MAN1C1: variants seen among roughly 807,000 people sequenced by gnomAD.
The protein encoded by MAN1C1 is mannosidase alpha class 1C member 1.
Under a neutral mutation model 71.5 loss-of-function variants are expected in MAN1C1, and 49 were observed. That is an observed-to-expected ratio of 0.69 (90% CI 0.54 to 0.87). The LOEUF is 0.87. MAN1C1 is among the 40% of genes least tolerant of loss of function. MAN1C1 has a pLI of 0.00. For synonymous variants in MAN1C1, 352 were observed against 343.7 expected (o/e 1.02, Z -0.27); for missense variants, 743 against 835.0 (o/e 0.89, Z 1.36).
intron 5 of MAN1C1, among the ~76,000 whole-genome samples, chr1:25,757,337 C>T (rs1489936509): frequency 6.6e-6 from 1 of 152,224 alleles, no homozygotes; most frequent in Non-Finnish European, 1.5e-5. Flanking sequence ...CAACCTGCTC[C>T]ACACTAACTA....
intron 1 of MAN1C1, among the ~76,000 whole-genome samples, chr1:25,661,432 G>A (rs751206102): frequency 1.2e-4 from 18 of 152,180 alleles, no homozygotes; most frequent in Non-Finnish European, 2.2e-4. Context: ...ATATGTTAAC[G>A]GCATGGTATG....
chr1:25,716,862 A>G (rs915058918), intron 2 of MAN1C1, among the ~76,000 whole-genome samples: 3 of 152,176 alleles, frequency 2.0e-5, no homozygotes, highest in Non-Finnish European at 2.9e-5. Flanking sequence ...GGCCTAGGCA[A>G]TCACCAATCT....
rs546838459 is a variant in MAN1C1, at chr1:25,700,715, T to C, written c.637+14179T>C. Among the ~76,000 whole-genome samples the C allele has an allele frequency of 3.3e-5, 5 of 152,354 alleles. No individual in the cohort carries two copies. The East Asian group carries it at 7.7e-4, about 23-fold the overall frequency. Reference sequence around the variant, plus strand: ...GTTCAGTGCCAGGGAATCACACAGATACTAGAATTTGAATGGAGGCTGGGA... The same window carrying C: ...GTTCAGTGCCAGGGAATCACACAGACACTAGAATTTGAATGGAGGCTGGGA... On this transcript the variant is annotated intron_variant, in intron 2 of 11. Coordinates refer to ENST00000374332, the MANE Select transcript of MAN1C1 (RefSeq NM_020379.4).
In MAN1C1 at chr1:25,742,127, C is replaced by T. The variant is rs147311454; in HGVS notation, c.638-4541C>T. 3.1e-4 allele frequency among the ~76,000 whole-genome samples: 47 copies of T among 152,288 alleles called. No individual in the cohort carries two copies. The East Asian group carries it at 9.1e-3, about 29-fold the overall frequency. On this transcript the variant is annotated intron_variant, in intron 2 of 11. Transcript: ENST00000374332. ...GTTCAGGCTGCCCCTGGGAGGTAGACCTTGAAGAACATGTTAGTGTTGAAC... is the reference window on the plus strand; with the variant it reads ...GTTCAGGCTGCCCCTGGGAGGTAGATCTTGAAGAACATGTTAGTGTTGAAC...
At position 25,783,575 on chromosome 1, in the gene MAN1C1, A is replaced by T. The variant is rs1432838453; in HGVS notation, c.1767-88A>T. On this transcript the variant is annotated intron_variant, in intron 11 of 11. Transcript: ENST00000374332. ...GACCTTGACCATAGGCCTATCACAA[A>T]GGCCCTGAGACTTGTTCCCAGGCCC... is the stretch of plus-strand genomic sequence containing the variant. The T allele has an allele frequency of 1.3e-4, 188 of 1,470,758 alleles. 4 individuals are homozygous for T. In the South Asian group the frequency reaches 2.1e-3, roughly 16 times the overall value. 91.1% of individuals were successfully genotyped at this position (1,470,758 alleles called of 1,614,324 possible).
chr1:25,643,645 C>G (rs1449137520), intron 1 of MAN1C1, among the ~76,000 whole-genome samples: 1 of 149,614 alleles, frequency 6.7e-6, no homozygotes, highest in Non-Finnish European at 1.5e-5. Context: ...GCTGGGATTA[C>G]AGACACCCGC....
At chr1:25,622,760 C>T (rs1557737095) in intron 1 of MAN1C1, among the ~76,000 whole-genome samples, 1 of 152,184 alleles carries the variant, frequency 6.6e-6, no homozygotes, top group African/African-American at 2.4e-5. Context: ...GTTCAACCAC[C>T]AGGGTATTGC....
intron 2 of MAN1C1, among the ~76,000 whole-genome samples, chr1:25,692,453 C>T (rs2046321450): frequency 6.6e-6 from 1 of 152,138 alleles, no homozygotes; most frequent in Non-Finnish European, 1.5e-5. Context: ...TCTTGAACTC[C>T]CATGCTCAAG....
chr1:25,741,276 G>A (rs2047061042), intron 2 of MAN1C1, among the ~76,000 whole-genome samples: 1 of 152,158 alleles, frequency 6.6e-6, no homozygotes. Flanking sequence ...CACTGTGCCT[G>A]GCCGATGGAT....
intron 2 of MAN1C1, among the ~76,000 whole-genome samples, chr1:25,700,256 CAA>C (rs1258007358): frequency 1.3e-5 from 2 of 152,144 alleles, no homozygotes; most frequent in Non-Finnish European, 2.9e-5. Context: ...AATGGCTGCG[CAA>C]ATATTTAGGA....
chr1:25,777,375 C>T (rs538464541), intron 8 of MAN1C1, among the ~76,000 whole-genome samples: 48 of 152,274 alleles, frequency 3.2e-4, no homozygotes, highest in Non-Finnish European at 4.7e-4. Flanking sequence ...GACCCCCTCA[C>T]GCCCCCGACA....
intron 2 of MAN1C1, among the ~76,000 whole-genome samples, chr1:25,734,448 AGATG>A (rs2046953658): frequency 6.6e-6 from 1 of 152,252 alleles, no homozygotes; most frequent in South Asian, 2.1e-4. Flanking sequence ...AGTTTTTAAA[AGATG>A]GATGTGAAAC....
chr1:25,672,217 G>A (rs187886631), intron 1 of MAN1C1, among the ~76,000 whole-genome samples: 1 of 152,328 alleles, frequency 6.6e-6, no homozygotes, highest in African/African-American at 2.4e-5. Flanking sequence ...GAGAGAGAGA[G>A]AGAGATAATT....
intron 1 of MAN1C1, among the ~76,000 whole-genome samples, chr1:25,626,046 A>G (rs551445247): frequency 1.3e-5 from 2 of 152,208 alleles, no homozygotes; most frequent in Admixed American, 6.5e-5. Flanking sequence ...TAAAGCTGCT[A>G]TAAACATTTT....
intron 6 of MAN1C1, chr1:25,763,510 C>A (rs907114246): frequency 1.1e-4 from 19 of 173,666 alleles, no homozygotes; most frequent in Non-Finnish European, 1.9e-4. Context: ...AAAAAAAAAC[C>A]CTCCCCAAAA....
chr1:25,660,480 C>G (rs1427174498), intron 1 of MAN1C1, among the ~76,000 whole-genome samples: 1 of 148,010 alleles, frequency 6.8e-6, no homozygotes, highest in Non-Finnish European at 1.5e-5. Flanking sequence ...GCAAGCTCCG[C>G]CTCCCAGGTT....
intron 1 of MAN1C1, among the ~76,000 whole-genome samples, chr1:25,674,456 C>G (rs2046036199): frequency 6.6e-6 from 1 of 152,186 alleles, no homozygotes; most frequent in South Asian, 2.1e-4. Context: ...CCTGCATAAT[C>G]ATGCAGGGAA....
intron 8 of MAN1C1, among the ~76,000 whole-genome samples, chr1:25,774,203 G>A (rs1015950458): frequency 2.0e-5 from 3 of 152,196 alleles, no homozygotes; most frequent in Non-Finnish European, 4.4e-5. Flanking sequence ...GGTTAGACCA[G>A]TGTCCAGCTG....
rs528540526 is a variant in MAN1C1 at position 25,633,641 on chromosome 1, A to G, written c.540+15304A>G. On this transcript the variant is annotated intron_variant, in intron 1 of 11. Transcript: ENST00000374332. ...CCATTTGTGTGGAATATCTTTTTCCACCCCTTTACTTTGAGTTTATATGAA... is the reference window on the plus strand; with the variant it reads ...CCATTTGTGTGGAATATCTTTTTCCGCCCCTTTACTTTGAGTTTATATGAA... Among the ~76,000 whole-genome samples, 15 of 144,694 alleles carry G rather than the reference A, an allele frequency of 1.0e-4. 1 individual carries two copies. The highest frequency in any genetic ancestry group is 3.8e-4 in the African/African-American group (15 of 39,276). 94.9% of individuals were successfully genotyped at this position (144,694 alleles called of 152,430 possible).
Sources: gnomAD v4.1 joint callset for allele counts (sites outside exome capture counted in the v4.1 genomes callset) on GRCh38, gnomAD v4.1.1 for gene constraint, MANE v1.5 for transcripts, NCBI Gene and HGNC (gene_info 2026-07-23, HGNC 2026-07-21) for gene names.